CCDC33: variants seen among roughly 807,000 people sequenced by gnomAD.
CCDC33 encodes the protein coiled-coil domain containing 33.
In CCDC33, 94 loss-of-function variants were observed where a neutral mutation model predicts 91.9. The observed-to-expected ratio is 1.02, with a 90% CI of 0.87 to 1.21. The LOEUF is 1.21. CCDC33 is among the 50% of genes most tolerant of loss of function. CCDC33 has a pLI of 0.00. For missense variants in CCDC33, 940 were observed against 935.5 expected (o/e 1.00, Z -0.06); for synonymous variants, 396 against 374.5 (o/e 1.06, Z -0.66).
intron 11 of CCDC33, among the ~76,000 whole-genome samples, chr15:74,321,722 T>A (rs1268464505): frequency 6.6e-6 from 1 of 152,204 alleles, no homozygotes; most frequent in Non-Finnish European, 1.5e-5. Context: ...TAATTCCCTT[T>A]AAAAGTATTG....
At chr15:74,281,111 TGAACCACA>T (rs2059354695) in intron 9 of CCDC33, among the ~76,000 whole-genome samples, 1 of 152,210 alleles carries the variant, frequency 6.6e-6, no homozygotes, top group South Asian at 2.1e-4. Flanking sequence ...GACCCTGATT[TGAACCACA>T]GTTCAAATCC....
rs765015092 is a variant in CCDC33 at position 74,331,295 on chromosome 15, G to C, written c.1770G>C (p.Thr590=). 24 of 1,613,736 alleles carry C rather than the reference G, an allele frequency of 1.5e-5. No homozygotes were observed. The South Asian group carries it at 2.1e-4, about 14-fold the overall frequency. ...ACAGGCAGCAGGGAAAGCCCTACAC[G>C]GGTGGGTCCACACCCTGATGTGATC... ...PLNRQQGKPY[T]GFPMLSASGL... Residue 590 remains threonine (T), a splice_region_variant and synonymous_variant, in exon 15 of 19, where the codon ACG becomes ACC. Coordinates refer to ENST00000398814, the MANE Select transcript of CCDC33 (RefSeq NM_025055.5).
chr15:74,252,136 T>C (rs940501343), intron 2 of CCDC33, among the ~76,000 whole-genome samples: 5 of 152,212 alleles, frequency 3.3e-5, no homozygotes, highest in Non-Finnish European at 7.3e-5. Flanking sequence ...CACCTCATTC[T>C]TTGCCTTGAT....
rs568487011 is a variant in CCDC33, at chr15:74,252,617, A to G, written c.185+8469A>G. Among the ~76,000 whole-genome samples, 16 of 152,326 alleles carry G rather than the reference A, an allele frequency of 1.1e-4. No individual in the cohort carries two copies. In the East Asian group the frequency reaches 2.9e-3, roughly 28 times the overall value. ...AGAATGTGGATGTGTCTGAGGTCAC[A>G]TGGCTGGCCAGTGGGAGTGGAGCAG... On this transcript the variant is annotated intron_variant, in intron 2 of 18. Transcript: ENST00000398814.
intron 3 of CCDC33, among the ~76,000 whole-genome samples, chr15:74,263,908 T>C (rs979327276): frequency 6.6e-6 from 1 of 151,854 alleles, no homozygotes; most frequent in Non-Finnish European, 1.5e-5. Flanking sequence ...TCTGTGTGTA[T>C]GCATGCATGT....
intron 11 of CCDC33, chr15:74,304,501 T>A (rs961786515): frequency 5.9e-5 from 9 of 152,328 alleles, no homozygotes; most frequent in Admixed American, 5.9e-4. Flanking sequence ...ACGAGACTCA[T>A]AACTCAGCTG....
At chr15:74,238,751 G>A (rs1235547408) in intron 1 of CCDC33, among the ~76,000 whole-genome samples, 1 of 152,116 alleles carries the variant, frequency 6.6e-6, no homozygotes, top group Non-Finnish European at 1.5e-5. Context: ...TGCCACCAAT[G>A]GATACTCAGA....
chr15:74,315,759 C>T (rs891206616), intron 11 of CCDC33, among the ~76,000 whole-genome samples: 1 of 152,188 alleles, frequency 6.6e-6, no homozygotes, highest in African/African-American at 2.4e-5. Context: ...ATGCACTGAA[C>T]CTGTTTGTTC....
chr15:74,333,850 G>A (rs1460963358), intron 16 of CCDC33, 31 bp from the exon 17 acceptor site: 3 of 1,590,022 alleles, frequency 1.9e-6, no homozygotes, highest in East Asian at 4.5e-5. Context: ...CTCCAGCTGG[G>A]GCCAAATGTG....
chr15:74,302,774 A>G (rs113940825), intron 11 of CCDC33: 7,649 of 152,648 alleles, frequency 0.05, 215 homozygotes, highest in Middle Eastern at 0.11. Context: ...CACACTCTCT[A>G]CCCTGTCAGC....
At chr15:74,211,073 G>A (rs369961399) in intron 2 of CCDC33, among the ~76,000 whole-genome samples, 4 of 152,006 alleles carry the variant, frequency 2.6e-5, no homozygotes, top group African/African-American at 9.7e-5. Context: ...GCCCAGAGAG[G>A]CCACATGATG....
intron 12 of CCDC33, 66 bp from the exon 13 acceptor site, chr15:74,330,597 C>A (rs758804031): frequency 8.4e-5 from 111 of 1,326,188 alleles, no homozygotes; most frequent in Non-Finnish European, 1.2e-4. Flanking sequence ...CTTCCTGCTA[C>A]TGACCATGCT....
At position 74,225,786 on chromosome 15, in the gene CCDC33, G is replaced by A. The variant is rs2074776031; in HGVS notation, c.675+6925G>A. Among the ~76,000 whole-genome samples the A allele has an allele frequency of 2.6e-5, 4 of 152,184 alleles. No homozygotes were observed. In the South Asian group the frequency reaches 8.3e-4, roughly 32 times the overall value. On this transcript the variant is annotated intron_variant, in intron 2 of 2. Transcript: ENST00000635913. ...AATATACCTCTGACAGTGGATTAGG[G>A]TGGGGAGCAGCAGGGTAGGAAGGCT...
At chr15:74,207,741 G>A (rs2074293284) in intron 1 of CCDC33, 2 of 1,535,746 alleles carry the variant, frequency 1.3e-6, no homozygotes, top group Non-Finnish European at 1.7e-6. Context: ...AAGCAGCCGA[G>A]AGAGTCAACC....
At chr15:74,247,847 C>G (rs2075586184) in intron 2 of CCDC33, among the ~76,000 whole-genome samples, 1 of 152,168 alleles carries the variant, frequency 6.6e-6, no homozygotes. Context: ...GAGGCCAAGA[C>G]AGGTGGATCA....
chr15:74,252,232 G>A (rs1182149814), intron 2 of CCDC33, among the ~76,000 whole-genome samples: 2 of 152,186 alleles, frequency 1.3e-5, no homozygotes, highest in African/African-American at 2.4e-5. Context: ...GCAGTGACTA[G>A]TGTGGAGACC....
At chr15:74,262,354 A>T (rs1160331482) in intron 2 of CCDC33, 86 bp from the exon 3 acceptor site, 6 of 1,542,848 alleles carry the variant, frequency 3.9e-6, no homozygotes, top group Middle Eastern at 1.7e-4. Context: ...CCTTTCACTC[A>T]GATTTATGGA....
chr15:74,261,662 G>A (rs1393888696), intron 2 of CCDC33, among the ~76,000 whole-genome samples: 1 of 152,216 alleles, frequency 6.6e-6, no homozygotes, highest in Non-Finnish European at 1.5e-5. Flanking sequence ...TTCTACAGAA[G>A]AAGTATTCAC....
chr15:74,244,446 A>C lies in CCDC33; in HGVS notation c.185+298A>C, dbSNP rs981395381. On this transcript the variant is annotated intron_variant, in intron 2 of 18. Transcript: ENST00000398814. This position sits in a 1 kb window ranked among gnomAD's most constrained non-coding sequence, Gnocchi z 4.2. ...GTGGGGCAGGTTCCTTGTATGCAAAAGTCTGGGCTGGGCTCATGGGCATGA... is the reference window on the plus strand; with the variant it reads ...GTGGGGCAGGTTCCTTGTATGCAAACGTCTGGGCTGGGCTCATGGGCATGA... 6.6e-6 allele frequency among the ~76,000 whole-genome samples: 1 copy of C among 151,978 alleles called. No individual in the cohort carries two copies. The highest frequency in any genetic ancestry group is 6.5e-5 in the Admixed American group (1 of 15,274).
Sources: gnomAD v4.1 joint callset for allele counts (sites outside exome capture counted in the v4.1 genomes callset) on GRCh38, gnomAD v4.1.1 for gene constraint, Gnocchi (gnomAD v3.1) non-coding constraint, MANE v1.5 for transcripts, NCBI Gene and HGNC (gene_info 2026-07-23, HGNC 2026-07-21) for gene names.